The following SLC36A1 variants were observed in gnomAD, a reference collection of about 807,000 sequenced individuals.
SLC36A1 encodes the protein proton-coupled amino acid transporter 1.
In SLC36A1, 30 loss-of-function variants were observed where a neutral mutation model predicts 47.5. The ratio of observed to expected loss-of-function variants is 0.63; its 90% CI spans 0.47 to 0.86. The LOEUF (loss-of-function observed/expected upper bound fraction) is 0.86, where lower values mean the gene tolerates loss of function less well. SLC36A1 is among the 40% of genes least tolerant of loss of function. SLC36A1 has a pLI of 0.00. For missense variants in SLC36A1, 517 were observed against 606.0 expected, an observed-to-expected ratio of 0.85 and a Z score of 1.54; for synonymous variants, 255 against 249.7, an observed-to-expected ratio of 1.02 and a Z score of -0.20.
At chr5:151,466,373 T>G (rs1448758011) in intron 5 of SLC36A1, among the ~76,000 whole-genome samples, 2 of 152,228 alleles carry the variant, frequency 1.3e-5, no homozygotes, top group African/African-American at 4.8e-5. Flanking sequence ...TCTTAAAGTT[T>G]TTTGCACAGA....
the SLC36A1 span, chr5:151,545,351 A>G: frequency 1.5e-5 from 25 of 1,614,052 alleles, no homozygotes; most frequent in Non-Finnish European, 1.9e-5. Context: ...TTCAGCACAG[A>G]TATGCTACCA....
At chr5:151,522,201 G>A in the SLC36A1 span, 2 of 782,336 alleles carry the variant, frequency 2.6e-6, no homozygotes, top group East Asian at 2.7e-5. Flanking sequence ...CAACTTGAGG[G>A]CTGGCTCAGC....
the SLC36A1 span, among the ~76,000 whole-genome samples, chr5:151,356,050 A>C: frequency 6.6e-6 from 1 of 152,142 alleles, no homozygotes; most frequent in South Asian, 2.1e-4. Flanking sequence ...ACAAAATTAA[A>C]ATTTTACAAA....
At chr5:151,377,277 C>T in the SLC36A1 span, among the ~76,000 whole-genome samples, 1 of 150,924 alleles carries the variant, frequency 6.6e-6, no homozygotes, top group South Asian at 2.1e-4. Context: ...GATTTTCTGT[C>T]TCAGTGATCT....
intron 10 of SLC36A1, 142 bp from the exon 11 acceptor site, chr5:151,487,839 CAG>C: frequency 1.0e-6 from 1 of 996,550 alleles, no homozygotes; most frequent in Middle Eastern, 3.3e-4. Flanking sequence ...ATCTATTTCA[CAG>C]AGATTGAACT....
Position 151,489,407 on chromosome 5 carries a change from T to G in SLC36A1, c.*1153T>G, listed in dbSNP as rs1759926697. The G allele has an allele frequency of 6.6e-6, 1 of 152,630 alleles. No individual in the cohort carries two copies. The highest frequency in any genetic ancestry group is 2.4e-5 in the African/African-American group (1 of 41,444). The allele number at this position is 152,630 out of a possible 1,614,324, so 9.5% of individuals were successfully genotyped here. Reference sequence around the variant, plus strand: ...CACCGATGAGTAGCTGAGGTCAGTGTGCACAGAGTTTGAAATTAAGTTAAT... The same window carrying G: ...CACCGATGAGTAGCTGAGGTCAGTGGGCACAGAGTTTGAAATTAAGTTAAT... On this transcript the variant is annotated 3_prime_UTR_variant, in exon 11 of 11. Transcript: ENST00000243389. The surrounding 1 kb of genome is among the most constrained non-coding windows in gnomAD (Gnocchi z 4.5).
At chr5:151,403,644 C>A in the SLC36A1 span, among the ~76,000 whole-genome samples, 6 of 152,148 alleles carry the variant, frequency 3.9e-5, no homozygotes, top group Non-Finnish European at 8.8e-5. Context: ...TTAGATATTT[C>A]TTTATAGCAA....
the SLC36A1 span, chr5:151,544,484 G>A: frequency 1.2e-6 from 2 of 1,614,140 alleles, no homozygotes; most frequent in Non-Finnish European, 1.7e-6. Flanking sequence ...GTGGTGAACA[G>A]CATCAAGGGT....
the SLC36A1 span, among the ~76,000 whole-genome samples, chr5:151,518,374 A>AATAATTATTATTATT: frequency 4.1e-4 from 60 of 147,410 alleles, no homozygotes; most frequent in Middle Eastern, 3.5e-3. Context: ...TAATAATAAT[A>AATAATTATTATTATT]ATTTTTAAAA....
Position 151,476,695 on chromosome 5 carries a change from G to T in SLC36A1, c.928G>T (p.Gly310Trp), listed in dbSNP as rs1758104408. The change falls in exon 9 of 11, where the codon GGG (glycine) becomes TGG (tryptophan). Residue 310 changes from glycine (G) to tryptophan (W), a missense_variant. Coordinates refer to ENST00000243389, the MANE Select transcript of SLC36A1 (RefSeq NM_078483.4). Reference sequence around the variant, plus strand: ...CCTCTACATCAGCCTGGGGTGTCTGGGGTACCTGCAATTTGGAGCTAATAT... The same window carrying T: ...CCTCTACATCAGCCTGGGGTGTCTGTGGTACCTGCAATTTGGAGCTAATAT... ...TILYISLGCL[G>W]YLQFGANIQG... The T allele has an allele frequency of 6.2e-7, 1 of 1,613,508 alleles. No homozygotes were observed.
At chr5:151,462,359 A>G (rs1755641296) in intron 2 of SLC36A1, among the ~76,000 whole-genome samples, 1 of 146,772 alleles carries the variant, frequency 6.8e-6, no homozygotes, top group African/African-American at 2.5e-5. Context: ...AAGATCACCA[A>G]TGGATTTTTT....
chr5:151,482,996 C>T (rs1759016663), intron 10 of SLC36A1, among the ~76,000 whole-genome samples: 1 of 151,976 alleles, frequency 6.6e-6, no homozygotes, highest in Admixed American at 6.5e-5. Flanking sequence ...AAGATCGCGC[C>T]ACTGCACTCC....
At chr5:151,431,255 A>G in the SLC36A1 span, 1 of 152,298 alleles carries the variant, frequency 6.6e-6, no homozygotes, top group South Asian at 2.1e-4. Context: ...CAAGCCCAGA[A>G]GCTTCTGTGG....
At chr5:151,414,713 T>C in the SLC36A1 span, 1 of 152,190 alleles carries the variant, frequency 6.6e-6, no homozygotes, top group South Asian at 2.1e-4. Context: ...GCCAGAAGCA[T>C]CAGGAACACA....
At chr5:151,487,313 G>A (rs935822291) in intron 10 of SLC36A1, among the ~76,000 whole-genome samples, 2 of 152,248 alleles carry the variant, frequency 1.3e-5, no homozygotes, top group African/African-American at 4.8e-5. Context: ...TCCTGCGGCA[G>A]TGCACCATTG....
the SLC36A1 span, chr5:151,550,874 A>G: frequency 6.2e-7 from 1 of 1,611,894 alleles, no homozygotes; most frequent in Non-Finnish European, 8.5e-7. Context: ...ATGTGGACCT[A>G]GGGAGGGAGA....
At chr5:151,515,604 C>T in the SLC36A1 span, among the ~76,000 whole-genome samples, 1 of 152,206 alleles carries the variant, frequency 6.6e-6, no homozygotes, top group Non-Finnish European at 1.5e-5. Context: ...TCCAGTTGCC[C>T]AGGCCAAAAT....
chr5:151,510,171 T>C, the SLC36A1 span: 4 of 1,613,858 alleles, frequency 2.5e-6, no homozygotes, highest in Non-Finnish European at 3.4e-6. Context: ...TTTGCAGACA[T>C]AGCCTAGGAG....
At chr5:151,534,319 C>T in the SLC36A1 span, 1 of 992,122 alleles carries the variant, frequency 1.0e-6, no homozygotes, top group East Asian at 2.7e-5. Context: ...CCGCCCTTAC[C>T]AGTCCTAGAG....
Sources: gnomAD v4.1 joint callset for allele counts (sites outside exome capture counted in the v4.1 genomes callset) on GRCh38, gnomAD v4.1.1 for gene constraint, Gnocchi (gnomAD v3.1) non-coding constraint, MANE v1.5 for transcripts, NCBI Gene and HGNC (gene_info 2026-07-23, HGNC 2026-07-21) for gene names.